SEMA6A: variants seen among roughly 807,000 people sequenced by gnomAD.
SEMA6A encodes semaphorin-6A.
Under a neutral mutation model 96.8 loss-of-function variants are expected in SEMA6A, and 25 were observed. The ratio of observed to expected loss-of-function variants is 0.26; its 90% confidence interval spans 0.19 to 0.36. The LOEUF is 0.36. SEMA6A is among the 10% of genes least tolerant of loss of function. The pLI is 1.00. For missense variants in SEMA6A, 1,363 were observed against 1,323.1 expected, an observed-to-expected ratio of 1.03 and a Z score of -0.47; for synonymous variants, 612 against 518.0, an observed-to-expected ratio of 1.18 and a Z score of -2.46.
rs1041614791 is a variant in SEMA6A at position 116,443,708 on chromosome 5, T to C, written c.*2905A>G. On this transcript the variant is annotated 3_prime_UTR_variant, in exon 19 of 19. Transcript: ENST00000343348. ...AGGGGATGTGGAGATGGAAGGAAAA[T>C]TGGTGACATCACAATATTTTTACAA... 2.7e-5 allele frequency: 4 copies of C among 150,380 alleles called. No homozygotes were observed. Among genetic ancestry groups the C allele is most frequent in the African/African-American group, 9.7e-5 (4 of 41,224 alleles). The allele number at this position is 150,380 out of a possible 1,614,324, so 9.3% of individuals were successfully genotyped here. A position where few individuals can be genotyped will look rare whatever the true frequency, so the allele number is the denominator to read the frequency against.
Position 116,446,935 on chromosome 5 carries a change from G to A in SEMA6A, c.2771C>T (p.Ser924Leu), listed in dbSNP as rs1168459992. ...GGTGGCCTGGTGGCTTCTCGTGAGC[G>A]AGTTCGTGGGGTAGCTCCTCTTATA... ...VDYKRSYPTN[S>L]LTRSHQATTL... Residue 924 changes from serine (S) to leucine (L), a missense_variant, in exon 19 of 19, where the codon TCG (serine) becomes TTG (leucine). Physicochemically the swap from Ser to Leu is moderately radical, Grantham distance 145 (BLOSUM62 -2). This residue lies in a region of SEMA6A where 883 missense variants were observed against 763.6 expected (regional missense o/e 1.16). Coordinates refer to ENST00000343348, the MANE Select transcript of SEMA6A (RefSeq NM_020796.5). 19 of 1,613,810 alleles carry A rather than the reference G, an allele frequency of 1.2e-5. No individual in the cohort carries two copies. The highest frequency in any genetic ancestry group is 2.2e-5 in the South Asian group (2 of 91,078).
chr5:116,476,618 T>TA (rs1281653411), intron 15 of SEMA6A, among the ~76,000 whole-genome samples: 2 of 152,206 alleles, frequency 1.3e-5, no homozygotes, highest in Non-Finnish European at 2.9e-5. Flanking sequence ...ATGCAAACCT[T>TA]AAGGAAACTA....
intron 18 of SEMA6A, among the ~76,000 whole-genome samples, chr5:116,465,662 GTGTTAAA>G (rs1466894514): frequency 6.6e-6 from 1 of 152,180 alleles, no homozygotes; most frequent in African/African-American, 2.4e-5. Flanking sequence ...ATGTGTCAAA[GTGTTAAA>G]TGGACTTTTT....
chr5:116,483,559 A>C (rs1327696563), intron 10 of SEMA6A, among the ~76,000 whole-genome samples: 1 of 152,234 alleles, frequency 6.6e-6, no homozygotes, highest in Non-Finnish European at 1.5e-5. Flanking sequence ...TGTTGAACAG[A>C]TATAAAAATA....
intron 17 of SEMA6A, chr5:116,472,767 T>C (rs1580401149): frequency 1.0e-5 from 7 of 697,044 alleles, no homozygotes; most frequent in African/African-American, 1.9e-5. Flanking sequence ...TTTTAGTGAA[T>C]TGGGGCCCTA....
intron 1 of SEMA6A, among the ~76,000 whole-genome samples, chr5:116,537,796 A>G (rs557417823): frequency 5.7e-4 from 86 of 152,204 alleles, no homozygotes; most frequent in African/African-American, 2.1e-3. Flanking sequence ...CCATATAAGT[A>G]TGCAAGTAAG....
intron 1 of SEMA6A, among the ~76,000 whole-genome samples, chr5:116,545,921 C>T (rs1580500762): frequency 1.3e-5 from 2 of 152,296 alleles, no homozygotes. Flanking sequence ...CATAACTCTG[C>T]AGGGTTAATG....
Position 116,472,522 on chromosome 5 carries a change from G to C in SEMA6A, c.1729+551C>G, listed in dbSNP as rs191424174. Reference sequence around the variant, plus strand: ...CCAGCATTTTGGGGGATGGTGAACTGTATCAGCTGAGGAGCTATAGTCTAT... The same window carrying C: ...CCAGCATTTTGGGGGATGGTGAACTCTATCAGCTGAGGAGCTATAGTCTAT... On this transcript the variant is annotated intron_variant, in intron 17 of 18. Transcript: ENST00000343348. 2.7e-3 allele frequency: 504 copies of C among 183,874 alleles called. 2 individuals are homozygous for C. Among genetic ancestry groups the C allele is most frequent in the Non-Finnish European group, 4.3e-3 (384 of 89,768 alleles). 11.4% of individuals were successfully genotyped at this position (183,874 alleles called of 1,614,324 possible).
intron 1 of SEMA6A, among the ~76,000 whole-genome samples, chr5:116,524,165 A>G (rs1324026892): frequency 6.6e-6 from 1 of 152,210 alleles, no homozygotes; most frequent in African/African-American, 2.4e-5. Context: ...TTTTATGACA[A>G]GGTTGAAATA....
At chr5:116,526,223 C>CCA (rs1319027355) in intron 1 of SEMA6A, among the ~76,000 whole-genome samples, 2 of 152,014 alleles carry the variant, frequency 1.3e-5, no homozygotes, top group Non-Finnish European at 2.9e-5. Context: ...CAGCCCCTCC[C>CCA]CACTCCACTT....
chr5:116,523,004 G>A (rs758574371), intron 1 of SEMA6A, among the ~76,000 whole-genome samples: 3 of 152,192 alleles, frequency 2.0e-5, no homozygotes, highest in Non-Finnish European at 4.4e-5. Context: ...TCAGGAGAGC[G>A]AGGAGGGCAG....
intron 1 of SEMA6A, among the ~76,000 whole-genome samples, chr5:116,510,032 A>G (rs973036935): frequency 4.6e-5 from 7 of 152,128 alleles, no homozygotes; most frequent in Admixed American, 2.0e-4. Flanking sequence ...GTTTGTGGCA[A>G]GCATGAGGGG....
chr5:116,516,277 C>T (rs1158931495), intron 1 of SEMA6A, among the ~76,000 whole-genome samples: 1 of 152,154 alleles, frequency 6.6e-6, no homozygotes, highest in African/African-American at 2.4e-5. Flanking sequence ...TCTATATACA[C>T]AGTACATTTT....
chr5:116,460,164 A>G (rs1755292535), intron 18 of SEMA6A, among the ~76,000 whole-genome samples: 1 of 152,188 alleles, frequency 6.6e-6, no homozygotes, highest in Admixed American at 6.5e-5. Context: ...GTTAAGTAAA[A>G]CATAAAAGAA....
intron 1 of SEMA6A, among the ~76,000 whole-genome samples, chr5:116,569,135 AC>A (rs1761115479): frequency 6.6e-6 from 1 of 152,242 alleles, no homozygotes; most frequent in Non-Finnish European, 1.5e-5. Context: ...AGTTTGTCAG[AC>A]TGTGAAAAAT....
At chr5:116,448,170 T>TAAAAAAA (rs59202921) in intron 18 of SEMA6A, among the ~76,000 whole-genome samples, 34 of 119,524 alleles carry the variant, frequency 2.8e-4, no homozygotes, top group African/African-American at 1.2e-3. Flanking sequence ...CCGTCTCTAC[T>TAAAAAAA]AAAAAAAAAA....
intron 3 of SEMA6A, among the ~76,000 whole-genome samples, chr5:116,497,787 C>T (rs995790612): frequency 6.6e-6 from 1 of 151,940 alleles, no homozygotes; most frequent in Non-Finnish European, 1.5e-5. Context: ...CAACATGCCA[C>T]ATCTGTTCAT....
chr5:116,498,823 T>A (rs1023520052), intron 3 of SEMA6A: 3 of 152,216 alleles, frequency 2.0e-5, no homozygotes, highest in Non-Finnish European at 4.4e-5. Context: ...GACTCGAGGC[T>A]TTTCCTTGCC....
Position 116,488,161 on chromosome 5 carries a change from A to G in SEMA6A, c.691T>C (p.Tyr231His), listed in dbSNP as rs1195402346. Residue 231 changes from tyrosine (Y) to histidine (H), a missense_variant, in exon 9 of 19, where the codon TAT becomes CAT. By Grantham distance (83) the Tyr-to-His change is moderately conservative. Coordinates refer to ENST00000343348, the MANE Select transcript of SEMA6A (RefSeq NM_020796.5). ...YFVQAVDYGD[Y>H]IYFFFREIAV... ...ATTTCCCTGAAGAAGAAGTAGATAT[A>G]ATCTCCGTAATCCACGGCTTGAACA... is the stretch of plus-strand genomic sequence containing the variant. 1 of 1,612,098 alleles carries G rather than the reference A, an allele frequency of 6.2e-7. No individual in the cohort carries two copies. Among genetic ancestry groups the G allele is most frequent in the Non-Finnish European group, 8.5e-7 (1 of 1,178,928 alleles).
Sources: gnomAD v4.1 joint callset for allele counts (sites outside exome capture counted in the v4.1 genomes callset) on GRCh38, gnomAD v4.1.1 for gene constraint, gnomAD v4.1.1 regional missense constraint, MANE v1.5 for transcripts, NCBI Gene and HGNC (gene_info 2026-07-23, HGNC 2026-07-21) for gene names.